The following QTGAL variants were observed in gnomAD, a reference collection of about 807,000 sequenced individuals.
The protein encoded by QTGAL is queuosine-tRNA galactosyltransferase, also known as BGnT-like protein 1.
At chr17:83,007,863 G>A in the QTGAL span, among the ~76,000 whole-genome samples, 6 of 152,242 alleles carry the variant, frequency 3.9e-5, no homozygotes, top group Non-Finnish European at 8.8e-5. Flanking sequence ...TATAAACGGA[G>A]GAGGTGAGAG....
At chr17:82,952,149 T>C in the QTGAL span, among the ~76,000 whole-genome samples, 1 of 152,246 alleles carries the variant, frequency 6.6e-6, no homozygotes. Context: ...TTGTTCTGCC[T>C]GGACTTGACT....
the QTGAL span, among the ~76,000 whole-genome samples, chr17:83,028,224 C>A: frequency 6.6e-6 from 1 of 151,912 alleles, no homozygotes; most frequent in Non-Finnish European, 1.5e-5. Flanking sequence ...CCAATAAACC[C>A]ACGAAAAGGT....
At chr17:83,047,371 T>A in the QTGAL span, among the ~76,000 whole-genome samples, 3 of 152,140 alleles carry the variant, frequency 2.0e-5, no homozygotes, top group South Asian at 4.1e-4. Context: ...CAAATATGAA[T>A]CTCGGGGTGG....
the QTGAL span, among the ~76,000 whole-genome samples, chr17:82,962,415 G>A: frequency 6.6e-6 from 1 of 152,160 alleles, no homozygotes; most frequent in African/African-American, 2.4e-5. Flanking sequence ...TAAAGACAAA[G>A]GAATCACAGA....
At chr17:83,005,067 C>A in the QTGAL span, 12 of 1,490,772 alleles carry the variant, frequency 8.0e-6, no homozygotes, top group African/African-American at 1.4e-5. The surrounding 1 kb of genome is among the most constrained non-coding windows in gnomAD (Gnocchi z 5.6). Context: ...AGATGGCGCC[C>A]AGAGGCGACC....
chr17:83,013,620 G>A, the QTGAL span, among the ~76,000 whole-genome samples: 1 of 150,742 alleles, frequency 6.6e-6, no homozygotes, highest in Non-Finnish European at 1.5e-5. Context: ...AGGCCCGTCT[G>A]TGACCTGACC....
At chr17:83,020,797 G>C in the QTGAL span, among the ~76,000 whole-genome samples, 1 of 152,240 alleles carries the variant, frequency 6.6e-6, no homozygotes, top group African/African-American at 2.4e-5. Context: ...ACGGGGTTCA[G>C]GGATCTGTGA....
chr17:82,957,490 T>C, the QTGAL span: 1 of 1,601,994 alleles, frequency 6.2e-7, no homozygotes, highest in Non-Finnish European at 8.5e-7. Flanking sequence ...GTCCAGATGG[T>C]CGTCCTGCGG....
chr17:82,958,069 C>T, the QTGAL span, among the ~76,000 whole-genome samples: 1 of 151,978 alleles, frequency 6.6e-6, no homozygotes, highest in Non-Finnish European at 1.5e-5. Context: ...CCTTCCCAGC[C>T]CCGCCCTCTC....
chr17:83,008,756 G>A, the QTGAL span, among the ~76,000 whole-genome samples: 3 of 152,192 alleles, frequency 2.0e-5, no homozygotes, highest in African/African-American at 2.4e-5. Context: ...CGCCCAGCCC[G>A]GATCCCTGCC....
At chr17:82,952,845 G>A in the QTGAL span, among the ~76,000 whole-genome samples, 532 of 152,248 alleles carry the variant, frequency 3.5e-3, 2 homozygotes, top group Non-Finnish European at 6.2e-3. Context: ...AATCCTAACA[G>A]TCTTTCAGAA....
chr17:83,043,969 T>C, the QTGAL span, among the ~76,000 whole-genome samples: 208 of 132,638 alleles, frequency 1.6e-3, 1 homozygote, highest in Non-Finnish European at 5.3e-4. Flanking sequence ...AACACACCTA[T>C]AACAAATAAA....
At chr17:83,005,475 G>A in the QTGAL span, 1 of 657,094 alleles carries the variant, frequency 1.5e-6, no homozygotes, top group East Asian at 2.7e-5. The surrounding 1 kb of genome is among the most constrained non-coding windows in gnomAD (Gnocchi z 5.6). Context: ...CCACAGAGCT[G>A]CCCTGGGCTG....
At chr17:82,970,871 C>T in the QTGAL span, among the ~76,000 whole-genome samples, 1 of 152,216 alleles carries the variant, frequency 6.6e-6, no homozygotes, top group Non-Finnish European at 1.5e-5. Flanking sequence ...ATGTCCAAGA[C>T]CGGGCAGCTG....
chr17:82,961,769 T>C, the QTGAL span, among the ~76,000 whole-genome samples: 1 of 152,226 alleles, frequency 6.6e-6, no homozygotes, highest in Non-Finnish European at 1.5e-5. Flanking sequence ...ACTCCCTCCA[T>C]GTCAGTGGGA....
the QTGAL span, among the ~76,000 whole-genome samples, chr17:82,964,085 A>C: frequency 6.6e-6 from 1 of 151,414 alleles, no homozygotes; most frequent in African/African-American, 2.4e-5. Context: ...AACATGTCGA[A>C]ACCAGTCTCT....
chr17:83,005,009 C>A, the QTGAL span: 1 of 887,656 alleles, frequency 1.1e-6, no homozygotes, highest in Non-Finnish European at 1.7e-6. The surrounding 1 kb of genome is among the most constrained non-coding windows in gnomAD (Gnocchi z 5.6). Context: ...GACAGAAGGA[C>A]CACGGCCCAC....
At chr17:82,960,731 A>G in the QTGAL span, among the ~76,000 whole-genome samples, 203 of 152,166 alleles carry the variant, frequency 1.3e-3, no homozygotes, top group Non-Finnish European at 2.5e-3. Flanking sequence ...GCCGGACCCC[A>G]CTCATGAGAC....
At chr17:83,014,526 T>G in the QTGAL span, 1 of 1,613,940 alleles carries the variant, frequency 6.2e-7, no homozygotes, top group Non-Finnish European at 8.5e-7. Flanking sequence ...CATCCTGCAG[T>G]AAAGAACACA....
Sources: allele counts gnomAD v4.1 joint callset (sites outside exome capture counted in the v4.1 genomes callset), GRCh38; gene constraint gnomAD v4.1.1; non-coding constraint Gnocchi (gnomAD v3.1); transcripts MANE v1.5; gene names NCBI Gene and HGNC (gene_info 2026-07-23, HGNC 2026-07-21).